PLEKHG4: variants seen among roughly 807,000 people sequenced by gnomAD.
PLEKHG4 encodes the protein pleckstrin homology and RhoGEF domain containing G4.
In PLEKHG4, 85 loss-of-function variants were observed where a neutral mutation model predicts 136.9. The ratio of observed to expected loss-of-function variants is 0.62; its 90% CI spans 0.52 to 0.74. PLEKHG4 has a LOEUF of 0.74. Among genes scored for constraint, PLEKHG4 ranks in the 30% least tolerant of loss-of-function variants. PLEKHG4 has a pLI of 0.00. For missense variants in PLEKHG4, 1,317 were observed against 1,527.8 expected (o/e 0.86, Z 2.30); for synonymous variants, 577 against 646.9 (o/e 0.89, Z 1.64).
Position 67,287,977 on chromosome 16 carries a change from C to G in PLEKHG4, c.3183C>G (p.Ile1061Met). The change falls in exon 19 of 22, where the codon ATC becomes ATG. Residue 1061 changes from isoleucine (I) to methionine (M), a missense_variant. Transcript: ENST00000379344. ...FRDIAPSEEA[I>M]NDRTVNYVLK... Reference sequence around the variant, plus strand: ...ACATTGCTCCCAGCGAGGAAGCCATCAACGACCGCACCGTCAACTATGTCC... The same window carrying G: ...ACATTGCTCCCAGCGAGGAAGCCATGAACGACCGCACCGTCAACTATGTCC... The G allele has an allele frequency of 1.2e-6, 2 of 1,613,758 alleles. No individual in the cohort carries two copies. Among genetic ancestry groups the G allele is most frequent in the Non-Finnish European group, 1.7e-6 (2 of 1,179,718 alleles).
rs1372084510 is a variant in PLEKHG4, at chr16:67,282,354, G to T, written c.1253+5G>T. The T allele has an allele frequency of 1.9e-6, 3 of 1,611,582 alleles. No individual in the cohort carries two copies. Among genetic ancestry groups the T allele is most frequent in the South Asian group, 1.1e-5 (1 of 90,956 alleles). ...GACCCTGAGCCCAGACTACAGGTGAGTGCAAGCCCGGCCCCCAGATCTTGC... is the reference window on the plus strand; with the variant it reads ...GACCCTGAGCCCAGACTACAGGTGATTGCAAGCCCGGCCCCCAGATCTTGC... On this transcript the variant is annotated splice_donor_5th_base_variant and intron_variant, in intron 9 of 21. Transcript: ENST00000379344.
chr16:67,281,059 G>A, intron 4 of PLEKHG4, 32 bp from the exon 5 acceptor site: 1 of 1,613,816 alleles, frequency 6.2e-7, no homozygotes, highest in African/African-American at 1.3e-5. Context: ...AGGACTGGGA[G>A]TCAGGTACTG....
chr16:67,281,218 T>TTA, intron 5 of PLEKHG4, 34 bp downstream of exon 5: 3 of 1,423,604 alleles, frequency 2.1e-6, no homozygotes, highest in Non-Finnish European at 2.9e-6. Context: ...CTCATTCCTT[T>TTA]TCTTTTCTTT....
At chr16:67,287,350 G>A (rs1388325780) in intron 18 of PLEKHG4, among the ~76,000 whole-genome samples, 173 bp downstream of exon 18, 4 of 152,256 alleles carry the variant, frequency 2.6e-5, no homozygotes, top group African/African-American at 9.6e-5. Flanking sequence ...CACTGCCTCT[G>A]ACTTTGGACA....
upstream of PLEKHG4, chr16:67,278,856 C>T (rs1184830258): frequency 6.6e-6 from 1 of 152,466 alleles, no homozygotes; most frequent in East Asian, 1.9e-4. Flanking sequence ...GCACCAGCCT[C>T]CTGCACCGGA....
Position 67,282,125 on chromosome 16 carries a change from G to GTCCCTCCATGAATGCTCCCTGTC in PLEKHG4, c.1104+26_1105-46dup. On this transcript the variant is annotated intron_variant, in intron 8 of 21. Coordinates refer to ENST00000379344, the MANE Select transcript of PLEKHG4 (RefSeq NM_001129729.3). Reference sequence around the variant, plus strand: ...AGCCTGGGGTGAGTGTCCCCTCCCAGTCCCTCCATGAATGCTCCCTGTCTC... The same window carrying GTCCCTCCATGAATGCTCCCTGTC: ...AGCCTGGGGTGAGTGTCCCCTCCCAGTCCCTCCATGAATGCTCCCTGTCTCCCTCCATGAATGCTCCCTGTCTC... 6.2e-7 allele frequency: 1 copy of GTCCCTCCATGAATGCTCCCTGTC among 1,612,942 alleles called. No individual in the cohort carries two copies. Among genetic ancestry groups the GTCCCTCCATGAATGCTCCCTGTC allele is most frequent in the East Asian group, 2.2e-5 (1 of 44,848 alleles).
chr16:67,284,552 G>T lies in PLEKHG4; in HGVS notation c.1692+95G>T, dbSNP rs2036376223. On this transcript the variant is annotated intron_variant, in intron 12 of 21. Coordinates refer to ENST00000379344, the MANE Select transcript of PLEKHG4 (RefSeq NM_001129729.3). This position sits in a 1 kb window ranked among gnomAD's most constrained non-coding sequence, Gnocchi z 4.4. ...AGCCTGAGCTTTTCTTGGTCATGCT[G>T]CCTGTTCTCTTCCCTGGTCTTCAGT... is the stretch of plus-strand genomic sequence containing the variant. The T allele has an allele frequency of 6.7e-7, 1 of 1,485,212 alleles. No homozygotes were observed. Among genetic ancestry groups the T allele is most frequent in the Admixed American group, 1.8e-5 (1 of 56,022 alleles). The allele number at this position is 1,485,212 out of a possible 1,614,324, so 92.0% of individuals were successfully genotyped here. A position where few individuals can be genotyped will look rare whatever the true frequency, so the allele number is the denominator to read the frequency against.
Position 67,287,028 on chromosome 16 carries a change from G to T in PLEKHG4, c.2954G>T (p.Cys985Phe). Residue 985 changes from cysteine (C) to phenylalanine (F), a missense_variant, in exon 18 of 22, where the codon TGT becomes TTT. Coordinates refer to ENST00000379344, the MANE Select transcript of PLEKHG4 (RefSeq NM_001129729.3). Reference sequence around the variant, plus strand: ...GCAGACCTTGGTCTCACTGAGTGCTGTGGGAACAGCAACCTGCGCTTCGAG... The same window carrying T: ...GCAGACCTTGGTCTCACTGAGTGCTTTGGGAACAGCAACCTGCGCTTCGAG... ...KMADLGLTEC[C>F]GNSNLRFEIW... The T allele has an allele frequency of 6.2e-7, 1 of 1,613,440 alleles. No individual in the cohort carries two copies. Among genetic ancestry groups the T allele is most frequent in the East Asian group, 2.2e-5 (1 of 44,882 alleles).
rs201062059 is a variant in PLEKHG4 at position 67,284,499 on chromosome 16, G to A, written c.1692+42G>A. The stretch of plus-strand genomic sequence containing the variant: ...CCAGCTCCAAGTGATCCATGAGGCC[G>A]GAGGGATGGCAGCCCCAGCTTCAGC... On this transcript the variant is annotated intron_variant, in intron 12 of 21. Coordinates refer to ENST00000379344, the MANE Select transcript of PLEKHG4 (RefSeq NM_001129729.3). This position sits in a 1 kb window ranked among gnomAD's most constrained non-coding sequence, Gnocchi z 4.4. The A allele has an allele frequency of 2.7e-5, 43 of 1,594,828 alleles. No individual in the cohort carries two copies. The East Asian group carries it at 5.1e-4, about 19-fold the overall frequency.
Position 67,280,312 on chromosome 16 carries a change from T to TC in PLEKHG4, c.270dup (p.Ser91LeufsTer29). 1.9e-6 allele frequency: 3 copies of TC among 1,613,672 alleles called. No individual in the cohort carries two copies. Among genetic ancestry groups the TC allele is most frequent in the Non-Finnish European group, 2.5e-6 (3 of 1,179,942 alleles). ...TGCCCAGAGGGGCACAGTAGAAAGC[T>TC]CCTCAGTCCTGTCAGAAGGGCCAGG... On this transcript the variant is annotated frameshift_variant, in exon 2 of 22. Coordinates refer to ENST00000379344, the MANE Select transcript of PLEKHG4 (RefSeq NM_001129729.3). LOFTEE classifies it high-confidence loss of function. This position sits in a 1 kb window ranked among gnomAD's most constrained non-coding sequence, Gnocchi z 4.4.
rs2036402846 is a variant in PLEKHG4 at position 67,285,037 on chromosome 16, A to C, written c.2017A>C (p.Arg673=). ...CGCTGCACCTGCCCACCCTCCCCTG[A>C]GGAAGGCCTACAGCTTCGATCGGAA... The part of the protein sequence containing the change: ...VPAAPAHPPL[R]KAYSFDRNLG... Residue 673 remains arginine (R), a synonymous_variant, in exon 13 of 22, where the codon AGG becomes CGG. Transcript: ENST00000379344. 1.2e-6 allele frequency: 2 copies of C among 1,613,438 alleles called. No individual in the cohort carries two copies. The highest frequency in any genetic ancestry group is 2.7e-5 in the African/African-American group (2 of 74,934).
chr16:67,281,225 CTTTTT>C, intron 5 of PLEKHG4, 41 bp downstream of exon 5: 6 of 1,095,888 alleles, frequency 5.5e-6, no homozygotes, highest in Non-Finnish European at 6.6e-6. Context: ...CTTTTCTTTT[CTTTTT>C]TTTTTTTTTT....
Position 67,281,193 on chromosome 16 carries a change from A to C in PLEKHG4, c.813+9A>C, listed in dbSNP as rs147937683. 3.2e-6 allele frequency: 5 copies of C among 1,559,766 alleles called. No homozygotes were observed. In the Admixed American group the frequency reaches 8.4e-5, roughly 26 times the overall value. ...GGCTCAGCCAACTACAAGTGAGTAC[A>C]GGATTGTAGCTCCCCTCATTCCTTT... On this transcript the variant is annotated intron_variant, in intron 5 of 21. Transcript: ENST00000379344.
Position 67,289,216 on chromosome 16 carries a change from C to A in PLEKHG4, c.*408C>A, listed in dbSNP as rs924474769. 4.5e-6 allele frequency: 2 copies of A among 442,456 alleles called. No homozygotes were observed. The highest frequency in any genetic ancestry group is 2.0e-5 in the African/African-American group (1 of 50,586). The allele number at this position is 442,456 out of a possible 1,614,324, so 27.4% of individuals were successfully genotyped here. ...CTAGCAGCTGATCCCCAATGCCTGGCCTTAAAGCCGAGCTCAGTTACCATA... is the reference window on the plus strand; with the variant it reads ...CTAGCAGCTGATCCCCAATGCCTGGACTTAAAGCCGAGCTCAGTTACCATA... On this transcript the variant is annotated 3_prime_UTR_variant, in exon 22 of 22. Transcript: ENST00000379344.
In PLEKHG4 at chr16:67,281,708, C is replaced by A. The variant is rs201715302; in HGVS notation, c.892-16C>A. The stretch of plus-strand genomic sequence containing the variant: ...CTCCCCCCAGGCCTGGGTCACAACA[C>A]CTTCTTCTCCTGTAGCTGGAGCAGT... On this transcript the variant is annotated splice_polypyrimidine_tract_variant and intron_variant, in intron 6 of 21. Transcript: ENST00000379344. 21 of 1,613,610 alleles carry A rather than the reference C, an allele frequency of 1.3e-5. No individual in the cohort carries two copies. Among genetic ancestry groups the A allele is most frequent in the Non-Finnish European group, 1.6e-5 (19 of 1,179,658 alleles).
intron 14 of PLEKHG4, 29 bp from the exon 15 acceptor site, chr16:67,286,245 C>T (rs1256687902): frequency 6.4e-7 from 1 of 1,552,196 alleles, no homozygotes; most frequent in East Asian, 2.2e-5. Context: ...GGCCCCTTTG[C>T]ACTGGGGCTG....
At position 67,284,868 on chromosome 16, in the gene PLEKHG4, G is replaced by A. The variant is rs983176872; in HGVS notation, c.1848G>A (p.Leu616=). 1 of 1,612,910 alleles carries A rather than the reference G, an allele frequency of 6.2e-7. No individual in the cohort carries two copies. The highest frequency in any genetic ancestry group is 1.3e-5 in the African/African-American group (1 of 75,048). Residue 616 remains leucine (L), a synonymous_variant, in exon 13 of 22, where the codon CTG becomes CTA. Transcript: ENST00000379344. The surrounding 1 kb of genome is among the most constrained non-coding windows in gnomAD (Gnocchi z 4.4). ...FRKMWALATG[L]GSEAIRQECR... is the part of the protein sequence containing the mutation. ...AGATGTGGGCTCTGGCCACGGGGCT[G>A]GGCTCAGAGGCCATCCGCCAGGAGT...
At position 67,281,995 on chromosome 16, in the gene PLEKHG4, G is replaced by A. The variant is rs201773192; in HGVS notation, c.1006-14G>A. The A allele has an allele frequency of 2.7e-4, 438 of 1,608,024 alleles. 1 individual carries two copies. Among genetic ancestry groups the A allele is most frequent in the Middle Eastern group, 1.3e-3 (8 of 6,044 alleles). ...ACTGCATGCTGCTCCGGTCATGCCT[G>A]CCCCTGCTTACAGCGGCTGGAAGCT... On this transcript the variant is annotated splice_polypyrimidine_tract_variant and intron_variant, in intron 7 of 21. Transcript: ENST00000379344.
Position 67,281,184 on chromosome 16 carries a change from A to ATCCT in PLEKHG4, c.813_813+1insTCCT (p.Glu272SerfsTer2). 6.3e-7 allele frequency: 1 copy of ATCCT among 1,598,874 alleles called. No homozygotes were observed. Among genetic ancestry groups the ATCCT allele is most frequent in the Non-Finnish European group, 8.6e-7 (1 of 1,167,256 alleles). ...TCTTCTCTGGGCTCAGCCAACTACA[A>ATCCT]GTGAGTACAGGATTGTAGCTCCCCT... is the stretch of plus-strand genomic sequence containing the variant. On this transcript the variant is annotated frameshift_variant and splice_region_variant. Coordinates refer to ENST00000379344, the MANE Select transcript of PLEKHG4 (RefSeq NM_001129729.3). LOFTEE classifies it high-confidence loss of function.
Sources: allele counts gnomAD v4.1 joint callset (sites outside exome capture counted in the v4.1 genomes callset), GRCh38; gene constraint gnomAD v4.1.1; non-coding constraint Gnocchi (gnomAD v3.1); transcripts MANE v1.5; gene names NCBI Gene and HGNC (gene_info 2026-07-23, HGNC 2026-07-21).